Variants in SP140 observed in about 807,000 individuals in gnomAD.
SP140 encodes nuclear body protein SP140.
A neutral mutation model predicts 125.0 loss-of-function variants in SP140; 81 were observed. The observed-to-expected ratio is 0.65, with a 90% CI of 0.54 to 0.78. The LOEUF is 0.78. Ranked by LOEUF, SP140 falls within the 30% of genes least tolerant of loss-of-function variation. The pLI is 0.00. For synonymous variants in SP140, 312 were observed against 354.0 expected (o/e 0.88, Z 1.33); for missense variants, 858 against 1,037.0 (o/e 0.83, Z 2.37).
intron 4 of SP140, among the ~76,000 whole-genome samples, chr2:230,243,386 G>A (rs767064813): frequency 5.0e-4 from 76 of 152,152 alleles, no homozygotes; most frequent in Non-Finnish European, 8.4e-4. Flanking sequence ...TGCAGGAGCA[G>A]AGAAGAGAGA....
chr2:230,259,550 G>A (rs2051833354), intron 12 of SP140, among the ~76,000 whole-genome samples: 1 of 151,484 alleles, frequency 6.6e-6, no homozygotes, highest in Non-Finnish European at 1.5e-5. Context: ...GTCAGGCATG[G>A]TAGTGTGTGC....
chr2:230,294,175 C>T (rs2149498543), intron 20 of SP140, 96 bp from the exon 21 acceptor site: 1 of 934,582 alleles, frequency 1.1e-6, no homozygotes, highest in South Asian at 1.4e-5. Flanking sequence ...GGCAGTGGAA[C>T]ACTCAGGTAG....
chr2:230,291,788 C>T (rs1248837222), intron 19 of SP140, among the ~76,000 whole-genome samples: 1 of 152,172 alleles, frequency 6.6e-6, no homozygotes, highest in Admixed American at 6.5e-5. Context: ...GGAATGACTA[C>T]ATCGTATGGT....
At chr2:230,205,061 GC>G (rs1407136019) in intron 1 of SP140, among the ~76,000 whole-genome samples, 5 of 152,164 alleles carry the variant, frequency 3.3e-5, no homozygotes. Context: ...TACCCTAAGG[GC>G]AATAGGAGGC....
chr2:230,206,817 A>G (rs1037826543), intron 1 of SP140, among the ~76,000 whole-genome samples: 2 of 151,674 alleles, frequency 1.3e-5, no homozygotes, highest in African/African-American at 4.8e-5. Context: ...ACACCATGAG[A>G]ATTAGAGCTA....
the SP140 span, among the ~76,000 whole-genome samples, chr2:230,192,985 T>C: frequency 6.6e-6 from 1 of 152,190 alleles, no homozygotes; most frequent in South Asian, 2.1e-4. Context: ...TGTTGTCTTA[T>C]CTCTTTTCTT....
chr2:230,308,433 T>A (rs1255701252), intron 22 of SP140, among the ~76,000 whole-genome samples: 2 of 152,224 alleles, frequency 1.3e-5, no homozygotes, highest in Non-Finnish European at 2.9e-5. Context: ...CTTAAACATT[T>A]GGTACTTCAT....
Position 230,269,528 on chromosome 2 carries a change from T to C in SP140, c.1241-4T>C. On this transcript the variant is annotated splice_region_variant and splice_polypyrimidine_tract_variant and intron_variant, in intron 12 of 26. Coordinates refer to ENST00000392045, the MANE Select transcript of SP140 (RefSeq NM_007237.5). ...TGGACAATAATTTTCTTGTTTCTCA[T>C]TAGTGTCTAGTGAACTAGAAAATCA... is the stretch of plus-strand genomic sequence containing the variant. 6.3e-7 allele frequency: 1 copy of C among 1,583,106 alleles called. No individual in the cohort carries two copies. Among genetic ancestry groups the C allele is most frequent in the Non-Finnish European group, 8.7e-7 (1 of 1,151,904 alleles).
At chr2:230,270,770 C>G (rs536741243) in intron 15 of SP140, 131 bp downstream of exon 15, 1 of 838,136 alleles carries the variant, frequency 1.2e-6, no homozygotes, top group South Asian at 1.4e-5. Flanking sequence ...GATGACCTCC[C>G]TAAGATGTCT....
At chr2:230,208,684 T>C (rs1003059001) in intron 1 of SP140, among the ~76,000 whole-genome samples, 1 of 152,130 alleles carries the variant, frequency 6.6e-6, no homozygotes, top group Non-Finnish European at 1.5e-5. Context: ...GGAAGTAGCA[T>C]TGTCACACAG....
chr2:230,262,887 A>G (rs753938832), intron 12 of SP140, among the ~76,000 whole-genome samples: 1 of 152,072 alleles, frequency 6.6e-6, no homozygotes, highest in Non-Finnish European at 1.5e-5. Context: ...CATATGGTCT[A>G]TCTTGGAGAA....
At chr2:230,307,600 A>C (rs955803688) in intron 22 of SP140, among the ~76,000 whole-genome samples, 6 of 152,234 alleles carry the variant, frequency 3.9e-5, no homozygotes, top group African/African-American at 1.4e-4. Flanking sequence ...GCAGAGAGCC[A>C]GTGCTCATGC....
intron 15 of SP140, among the ~76,000 whole-genome samples, chr2:230,275,613 G>T (rs2054604262): frequency 1.3e-5 from 2 of 152,052 alleles, no homozygotes; most frequent in African/African-American, 2.4e-5. Flanking sequence ...AAAAAAATAT[G>T]GAAATTAAGT....
At chr2:230,240,226 A>G (rs1390619494) in intron 3 of SP140, among the ~76,000 whole-genome samples, 2 of 152,242 alleles carry the variant, frequency 1.3e-5, no homozygotes, top group Non-Finnish European at 1.5e-5. Flanking sequence ...AAGAGAAAAC[A>G]TAAGACAGTG....
intron 7 of SP140, among the ~76,000 whole-genome samples, chr2:230,247,567 A>G (rs2049655702): frequency 6.6e-6 from 1 of 152,146 alleles, no homozygotes; most frequent in South Asian, 2.1e-4. Flanking sequence ...TGTACCTCTC[A>G]CATCCATTCT....
intron 2 of SP140, chr2:230,213,772 CA>C (rs1354224453): frequency 1.3e-5 from 2 of 152,798 alleles, no homozygotes; most frequent in Non-Finnish European, 2.9e-5. Flanking sequence ...TCAGCCAGGT[CA>C]GGGGCACATC....
intron 12 of SP140, among the ~76,000 whole-genome samples, chr2:230,259,503 C>G (rs1239908713): frequency 6.7e-6 from 1 of 148,626 alleles, no homozygotes; most frequent in Non-Finnish European, 1.5e-5. Context: ...CATGGCAAAA[C>G]CCCGCCTCCG....
intron 25 of SP140, 38 bp downstream of exon 25, chr2:230,311,269 T>C (rs2059308281): frequency 6.5e-7 from 1 of 1,537,608 alleles, no homozygotes; most frequent in African/African-American, 1.4e-5. Context: ...CAGGCTGCCA[T>C]GACATTACCT....
chr2:230,221,952 C>T (rs1255156517), upstream of SP140, among the ~76,000 whole-genome samples: 1 of 152,192 alleles, frequency 6.6e-6, no homozygotes, highest in African/African-American at 2.4e-5. Context: ...TGGCTGGGCA[C>T]AGTGGCTCAG....
Sources: allele counts gnomAD v4.1 joint callset (sites outside exome capture counted in the v4.1 genomes callset), GRCh38; gene constraint gnomAD v4.1.1; transcripts MANE v1.5; gene names NCBI Gene and HGNC (gene_info 2026-07-23, HGNC 2026-07-21).